EDIL3: variants seen among roughly 807,000 people sequenced by gnomAD.
The protein encoded by EDIL3 is EGF like and discoidin domains 3.
Under a neutral mutation model 67.4 loss-of-function variants are expected in EDIL3, and 37 were observed. That is an observed-to-expected ratio of 0.55 (90% CI 0.42 to 0.72). EDIL3 has a LOEUF of 0.72. Among genes scored for constraint, EDIL3 ranks in the 30% least tolerant of loss-of-function variants. EDIL3 has a pLI of 0.00. For missense variants in EDIL3, 527 were observed against 586.3 expected (o/e 0.90, Z 1.04); for synonymous variants, 195 against 196.3 (o/e 0.99, Z 0.05).
At chr5:83,980,240 T>G (rs78553736) in intron 9 of EDIL3, among the ~76,000 whole-genome samples, 7 of 125,964 alleles carry the variant, frequency 5.6e-5, no homozygotes, top group African/African-American at 2.1e-4. Flanking sequence ...GAGGTGTGTG[T>G]TTTTTTTTTG....
intron 5 of EDIL3, among the ~76,000 whole-genome samples, chr5:84,108,184 T>C (rs1747497114): frequency 1.3e-5 from 2 of 152,000 alleles, no homozygotes; most frequent in South Asian, 4.1e-4. Context: ...AATTATAATA[T>C]TTTTGAAACT....
chr5:84,073,769 T>C (rs2112249024), intron 6 of EDIL3, among the ~76,000 whole-genome samples: 1 of 152,236 alleles, frequency 6.6e-6, no homozygotes, highest in South Asian at 2.1e-4. Context: ...ATGGCCATAC[T>C]GCCCAAGGTA....
At chr5:84,229,814 G>T in intron 3 of EDIL3, 41 bp downstream of exon 3, 1 of 1,560,824 alleles carries the variant, frequency 6.4e-7, no homozygotes, top group Non-Finnish European at 8.7e-7. Flanking sequence ...TTAAAGGCAT[G>T]ACATTAAATA....
chr5:84,146,211 A>G (rs1748288168), intron 4 of EDIL3, among the ~76,000 whole-genome samples: 1 of 152,122 alleles, frequency 6.6e-6, no homozygotes, highest in Non-Finnish European at 1.5e-5. Flanking sequence ...ATGTATTAAC[A>G]CAGTCTACAA....
chr5:84,180,512 G>C lies in EDIL3; in HGVS notation c.236C>G (p.Thr79Ser), dbSNP rs747227263. 3.8e-6 allele frequency: 6 copies of C among 1,585,106 alleles called. No individual in the cohort carries two copies. The East Asian group carries it at 9.1e-5, about 24-fold the overall frequency. Reference sequence around the variant, plus strand: ...TCCTCCATTATGGCATGGATTAGGAGTGCAGGGACCTGAAAGACAGAAAAA... The same window carrying C: ...TCCTCCATTATGGCATGGATTAGGACTGCAGGGACCTGAAAGACAGAAAAA... ...EEEPTSAGPC[T>S]PNPCHNGGTC... The change falls in exon 4 of 11, where the codon ACT becomes AGT. Residue 79 changes from threonine (T) to serine (S), a missense_variant. Coordinates refer to ENST00000296591, the MANE Select transcript of EDIL3 (RefSeq NM_005711.5).
intron 6 of EDIL3, among the ~76,000 whole-genome samples, chr5:84,091,068 C>T (rs1451302946): frequency 1.3e-5 from 2 of 152,128 alleles, no homozygotes; most frequent in East Asian, 3.8e-4. Flanking sequence ...CACTGCTCCC[C>T]CTCAAAATAA....
chr5:84,275,619 A>G (rs2112101267), intron 1 of EDIL3, among the ~76,000 whole-genome samples: 1 of 152,308 alleles, frequency 6.6e-6, no homozygotes, highest in South Asian at 2.1e-4. Context: ...TATCTGTGCT[A>G]GATCTTAAAA....
At chr5:84,021,066 C>T (rs1408634367) in intron 9 of EDIL3, among the ~76,000 whole-genome samples, 2 of 152,056 alleles carry the variant, frequency 1.3e-5, no homozygotes, top group Non-Finnish European at 1.5e-5. Flanking sequence ...AAACTAAAGA[C>T]AGTTGTAATG....
intron 4 of EDIL3, among the ~76,000 whole-genome samples, chr5:84,172,606 C>CAA (rs202241099): frequency 3.3e-5 from 5 of 150,870 alleles, no homozygotes; most frequent in African/African-American, 1.2e-4. Context: ...ACAACAACAA[C>CAA]AACAAAAAAA....
intron 1 of EDIL3, among the ~76,000 whole-genome samples, chr5:84,309,678 A>T (rs569082768): frequency 6.6e-6 from 1 of 152,044 alleles, no homozygotes; most frequent in Non-Finnish European, 1.5e-5. Flanking sequence ...TGAACTCATC[A>T]TTTTTTATGG....
At chr5:83,987,425 G>A (rs898434453) in intron 9 of EDIL3, among the ~76,000 whole-genome samples, 5 of 152,172 alleles carry the variant, frequency 3.3e-5, no homozygotes, top group Middle Eastern at 3.4e-3. Flanking sequence ...ACCAAATAGT[G>A]TTCTATCTTT....
intron 6 of EDIL3, among the ~76,000 whole-genome samples, chr5:84,072,621 A>C (rs1746760161): frequency 6.6e-6 from 1 of 152,230 alleles, no homozygotes; most frequent in African/African-American, 2.4e-5. Context: ...TATTTAAAAA[A>C]TGTATCCTAC....
At chr5:84,197,426 C>T (rs556294055) in intron 3 of EDIL3, among the ~76,000 whole-genome samples, 12 of 151,904 alleles carry the variant, frequency 7.9e-5, no homozygotes, top group African/African-American at 2.9e-4. Context: ...ACATGTATGA[C>T]GACTCAAAGT....
At chr5:84,004,049 T>C (rs1745374812) in intron 9 of EDIL3, among the ~76,000 whole-genome samples, 1 of 149,222 alleles carries the variant, frequency 6.7e-6, no homozygotes, top group South Asian at 2.1e-4. Context: ...AAAACAGACA[T>C]TAAACCAACA....
intron 6 of EDIL3, among the ~76,000 whole-genome samples, chr5:84,100,231 T>C (rs747162597): frequency 6.6e-6 from 1 of 152,144 alleles, no homozygotes; most frequent in Non-Finnish European, 1.5e-5. Flanking sequence ...ACTGGATATA[T>C]ACCCAAAAGA....
intron 5 of EDIL3, among the ~76,000 whole-genome samples, chr5:84,107,928 T>A (rs1459420979): frequency 6.6e-6 from 1 of 150,944 alleles, no homozygotes; most frequent in Non-Finnish European, 1.5e-5. Flanking sequence ...TTTTGCCAAT[T>A]TAGATTTGTA....
chr5:84,230,968 C>T (rs187433008), intron 2 of EDIL3, among the ~76,000 whole-genome samples: 86 of 152,192 alleles, frequency 5.7e-4, no homozygotes, highest in African/African-American at 1.8e-3. Context: ...GGCCACAATA[C>T]GAAAATACAA....
chr5:84,364,378 A>G (rs990867179), intron 1 of EDIL3, among the ~76,000 whole-genome samples: 1 of 152,204 alleles, frequency 6.6e-6, no homozygotes, highest in African/African-American at 2.4e-5. Flanking sequence ...AAACGAATTC[A>G]TATTGCTTTG....
chr5:84,354,806 C>T (rs1257876682), intron 1 of EDIL3, among the ~76,000 whole-genome samples: 24 of 151,828 alleles, frequency 1.6e-4, no homozygotes, highest in Admixed American at 1.6e-3. Context: ...ATTTTTATAC[C>T]TTAACAATCT....
Sources: gnomAD v4.1 joint callset for allele counts (sites outside exome capture counted in the v4.1 genomes callset) on GRCh38, gnomAD v4.1.1 for gene constraint, MANE v1.5 for transcripts, NCBI Gene and HGNC (gene_info 2026-07-23, HGNC 2026-07-21) for gene names.